ABR: variants seen among roughly 807,000 people sequenced by gnomAD.
ABR encodes the protein active breakpoint cluster region-related protein.
A neutral mutation model predicts 107.2 loss-of-function variants in ABR; 35 were observed. The observed-to-expected ratio is 0.33, with a 90% CI of 0.25 to 0.43. ABR has a LOEUF of 0.43. Ranked by LOEUF, ABR falls within the 20% of genes least tolerant of loss-of-function variation. ABR has a pLI of 1.00. For synonymous variants in ABR, 498 were observed against 462.0 expected (o/e 1.08, Z -1.00); for missense variants, 815 against 1,115.2 (o/e 0.73, Z 3.83).
intron 2 of ABR, among the ~76,000 whole-genome samples, chr17:1,103,984 A>G (rs1348745474): frequency 2.0e-5 from 3 of 152,130 alleles, no homozygotes; most frequent in Non-Finnish European, 4.4e-5. Flanking sequence ...ATCAAAAACC[A>G]GGCTCACCAC....
At chr17:1,158,811 A>G (rs1236372269) in intron 1 of ABR, among the ~76,000 whole-genome samples, 1 of 151,990 alleles carries the variant, frequency 6.6e-6, no homozygotes, top group Non-Finnish European at 1.5e-5. Context: ...CAACCCTTAC[A>G]TTTCACAGCT....
chr17:1,101,319 G>C (rs1246515725), intron 2 of ABR: 1 of 152,344 alleles, frequency 6.6e-6, no homozygotes, highest in South Asian at 2.1e-4. Flanking sequence ...TTTCATAGGG[G>C]ATAAAAGTCA....
intron 4 of ABR, among the ~76,000 whole-genome samples, chr17:1,085,248 G>A (rs1377918199): frequency 6.8e-6 from 1 of 147,036 alleles, no homozygotes; most frequent in East Asian, 2.1e-4. Flanking sequence ...GAGTGGTTGG[G>A]ACTACAGGCG....
chr17:1,139,149 G>A (rs996777106), intron 1 of ABR, among the ~76,000 whole-genome samples: 2 of 152,192 alleles, frequency 1.3e-5, no homozygotes, highest in African/African-American at 4.8e-5. Flanking sequence ...AAAGGCGGGT[G>A]TGTGGAGCCC....
At chr17:1,173,769 C>T (rs1462174590) in intron 1 of ABR, among the ~76,000 whole-genome samples, 2 of 152,158 alleles carry the variant, frequency 1.3e-5, no homozygotes, top group African/African-American at 4.8e-5. Context: ...CTGTGGGAGG[C>T]GCTGCCTCAG....
intron 2 of ABR, among the ~76,000 whole-genome samples, chr17:1,120,559 G>A (rs1288669877): frequency 3.9e-5 from 6 of 152,212 alleles, no homozygotes; most frequent in South Asian, 2.1e-4. Context: ...GATGACAGGC[G>A]TGAGCCACCG....
Position 1,014,817 on chromosome 17 carries a change from G to A in ABR, c.1792-1653C>T, listed in dbSNP as rs4968141. Among the ~76,000 whole-genome samples the A allele has an allele frequency of 7.2e-3, 1,089 of 152,200 alleles. 51 individuals carry two copies. The highest frequency in any genetic ancestry group is 0.061 in the Admixed American group (931 of 15,292). On this transcript the variant is annotated intron_variant, in intron 16 of 22. Transcript: ENST00000302538. ...GCGGAGATCACACCACTGCACTCCA[G>A]CCTGGGCGACAGAGTGAGACTCCGT...
intron 1 of ABR, among the ~76,000 whole-genome samples, chr17:1,162,198 C>CT (rs1373038309): frequency 2.6e-5 from 4 of 152,348 alleles, no homozygotes; most frequent in African/African-American, 9.6e-5. Flanking sequence ...ACAATTATCC[C>CT]TTACTCTGGC....
chr17:1,110,741 G>C (rs923587321), intron 2 of ABR, among the ~76,000 whole-genome samples: 1 of 152,188 alleles, frequency 6.6e-6, no homozygotes, highest in Non-Finnish European at 1.5e-5. Context: ...TACAGAGCAG[G>C]GGATTGCGGG....
intron 4 of ABR, among the ~76,000 whole-genome samples, chr17:1,087,063 A>T (rs1416593292): frequency 6.6e-6 from 1 of 152,046 alleles, no homozygotes; most frequent in Non-Finnish European, 1.5e-5. Context: ...GAGGGAGGGG[A>T]GACTCCACCT....
At chr17:1,149,429 T>TG (rs2040705800) in intron 1 of ABR, among the ~76,000 whole-genome samples, 2 of 148,482 alleles carry the variant, frequency 1.3e-5, no homozygotes, top group East Asian at 2.0e-4. Flanking sequence ...GTTTTAGTTT[T>TG]TTTTTTTTTT....
In ABR at chr17:1,070,772, G is replaced by A. The variant is rs1221849273; in HGVS notation, c.895-682C>T. ...AGTTTCCAACCCCCGCTCAGAGCCG[G>A]GGGGTCGTCCCCATCTGTGCCAGCC... is the stretch of plus-strand genomic sequence containing the variant. On this transcript the variant is annotated intron_variant, in intron 8 of 22. Transcript: ENST00000302538. This position sits in a 1 kb window ranked among gnomAD's most constrained non-coding sequence, Gnocchi z 4.2. 6.6e-6 allele frequency among the ~76,000 whole-genome samples: 1 copy of A among 152,190 alleles called. No individual in the cohort carries two copies. The highest frequency in any genetic ancestry group is 1.5e-5 in the Non-Finnish European group (1 of 68,034).
At chr17:1,061,752 G>T (rs1359384591) in intron 10 of ABR, among the ~76,000 whole-genome samples, 1 of 152,094 alleles carries the variant, frequency 6.6e-6, no homozygotes, top group Non-Finnish European at 1.5e-5. Context: ...TCATGATGTT[G>T]GCCAGGCTGG....
intron 2 of ABR, among the ~76,000 whole-genome samples, chr17:1,117,089 T>C (rs1264714402): frequency 6.6e-6 from 1 of 151,482 alleles, no homozygotes; most frequent in African/African-American, 2.4e-5. Flanking sequence ...CTGCAGTTCC[T>C]CCCAGCGTTA....
rs150587124 is a variant in ABR, at chr17:1,100,745, C to A, written c.247-10G>T. On this transcript the variant is annotated splice_polypyrimidine_tract_variant and intron_variant, in intron 2 of 22. Transcript: ENST00000302538. ...CTTTCCCTGCTTCCACCTGCACAAA[C>A]GCAAAGCACAGCCAACAGCTCATGA... The A allele has an allele frequency of 6.2e-7, 1 of 1,613,904 alleles. No homozygotes were observed. The highest frequency in any genetic ancestry group is 1.3e-5 in the African/African-American group (1 of 74,922).
At chr17:1,083,862 G>A (rs2036424438) in intron 4 of ABR, 3 of 502,028 alleles carry the variant, frequency 6.0e-6, no homozygotes, top group East Asian at 3.7e-5. Flanking sequence ...CTGGGGTTGG[G>A]GAGACCAGGC....
chr17:1,078,935 C>T lies in ABR; in HGVS notation c.700+395G>A. 6.5e-7 allele frequency: 1 copy of T among 1,529,744 alleles called. No homozygotes were observed. Among genetic ancestry groups the T allele is most frequent in the Non-Finnish European group, 8.7e-7 (1 of 1,143,232 alleles). 94.8% of individuals were successfully genotyped at this position (1,529,744 alleles called of 1,614,324 possible). A position where few individuals can be genotyped will look rare whatever the true frequency, so the allele number is the denominator to read the frequency against. On this transcript the variant is annotated intron_variant, in intron 6 of 22. Transcript: ENST00000302538. The surrounding 1 kb of genome is among the most constrained non-coding windows in gnomAD (Gnocchi z 7.5). The stretch of plus-strand genomic sequence containing the variant: ...CCGGCGCCCACCAGCAGCCCGGCCA[C>T]TCAGCCACCTTGCTGATGCTGCCGC...
At chr17:1,013,893 C>T in intron 16 of ABR, among the ~76,000 whole-genome samples, 1 of 152,244 alleles carries the variant, frequency 6.6e-6, no homozygotes, top group East Asian at 1.9e-4. Flanking sequence ...GTTCCACGTT[C>T]TGTTTCTGTA....
chr17:1,219,951 C>CT (rs2150757102), intron 1 of ABR, among the ~76,000 whole-genome samples: 1 of 151,666 alleles, frequency 6.6e-6, no homozygotes, highest in East Asian at 2.0e-4. Context: ...AGAGTAGGTA[C>CT]TGGAGTATCT....
Sources: allele counts gnomAD v4.1 joint callset (sites outside exome capture counted in the v4.1 genomes callset), GRCh38; gene constraint gnomAD v4.1.1; non-coding constraint Gnocchi (gnomAD v3.1); transcripts MANE v1.5; gene names NCBI Gene and HGNC (gene_info 2026-07-23, HGNC 2026-07-21).